The following APOD variants were observed in gnomAD, a reference collection of about 807,000 sequenced individuals.
The protein encoded by APOD is apo-D.
In APOD, 22 loss-of-function variants were observed where a neutral mutation model predicts 20.4. That is an observed-to-expected ratio of 1.08 (90% confidence interval 0.77 to 1.54). The LOEUF (loss-of-function observed/expected upper bound fraction) is 1.54. APOD is among the 40% of genes most tolerant of loss of function. The probability of loss-of-function intolerance (pLI) is 0.00; values close to 1 mark genes in which losing one functional copy is unlikely to be tolerated. For synonymous variants in APOD, 97 were observed against 92.4 expected (o/e 1.05, Z -0.29); for missense variants, 223 against 229.6 (o/e 0.97, Z 0.19).
chr3:195,578,605 A>C (rs914887017), intron 2 of APOD, among the ~76,000 whole-genome samples: 9 of 152,030 alleles, frequency 5.9e-5, no homozygotes, highest in African/African-American at 2.2e-4. Context: ...AGGAAGAAAG[A>C]CCATCTATGG....
In APOD at chr3:195,571,377, T is replaced by TA. The variant is rs532739525; in HGVS notation, c.246-13dup. The TA allele has an allele frequency of 1.2e-4, 196 of 1,576,580 alleles. 4 individuals are homozygous for TA. The South Asian group carries it at 2.1e-3, about 17-fold the overall frequency. ...CAGTTCCATCAGCTCTGCAGTGAGT[T>TA]AAAAAAAGAAAAAATACAAAAAACG... On this transcript the variant is annotated splice_polypyrimidine_tract_variant and intron_variant, in intron 3 of 4. Transcript: ENST00000343267.
chr3:195,579,224 T>C (rs1227237802), intron 2 of APOD, 115 bp downstream of exon 2: 1 of 1,491,814 alleles, frequency 6.7e-7, no homozygotes, highest in Non-Finnish European at 9.1e-7. Context: ...CCAAATAAGA[T>C]AAATACTTGT....
intron 1 of APOD, 61 bp from the exon 2 acceptor site, chr3:195,579,556 GAAGT>G (rs1720301103): frequency 2.6e-6 from 4 of 1,542,588 alleles, no homozygotes; most frequent in Non-Finnish European, 3.5e-6. Context: ...ACACAATCAT[GAAGT>G]AAGAGTGCTG....
In APOD at chr3:195,571,385, GAA is replaced by G; in HGVS notation, c.246-22_246-21del. 6.5e-7 allele frequency: 1 copy of G among 1,547,904 alleles called. No homozygotes were observed. Among genetic ancestry groups the G allele is most frequent in the Non-Finnish European group, 8.7e-7 (1 of 1,145,598 alleles). ...TCAGCTCTGCAGTGAGTTAAAAAAA[GAA>G]AAAATACAAAAAACGAAAAGAGAAA... On this transcript the variant is annotated intron_variant, in intron 3 of 4. Coordinates refer to ENST00000343267, the MANE Select transcript of APOD (RefSeq NM_001647.4).
intron 2 of APOD, among the ~76,000 whole-genome samples, chr3:195,578,341 T>G (rs1306866702): frequency 5.3e-5 from 8 of 152,184 alleles, no homozygotes; most frequent in Admixed American, 5.2e-4. Context: ...CCTGATCCCA[T>G]GGATGGTGCT....
intron 2 of APOD, among the ~76,000 whole-genome samples, chr3:195,576,055 T>A (rs1560045959): frequency 6.6e-6 from 1 of 152,244 alleles, no homozygotes; most frequent in Non-Finnish European, 1.5e-5. Flanking sequence ...GCCACATTCA[T>A]GACCATAAAG....
intron 1 of APOD, among the ~76,000 whole-genome samples, chr3:195,580,787 C>A (rs1400485554): frequency 1.3e-5 from 2 of 152,226 alleles, no homozygotes; most frequent in African/African-American, 4.8e-5. Context: ...ACAAGCATTT[C>A]AACCCCAAGA....
intron 2 of APOD, among the ~76,000 whole-genome samples, chr3:195,578,435 C>G (rs1264750564): frequency 6.6e-6 from 1 of 152,162 alleles, no homozygotes; most frequent in Admixed American, 6.6e-5. Flanking sequence ...TTCGATGTTA[C>G]TGTTGCCATT....
chr3:195,577,451 T>C (rs1348850372), intron 2 of APOD, among the ~76,000 whole-genome samples: 2 of 152,210 alleles, frequency 1.3e-5, no homozygotes, highest in African/African-American at 4.8e-5. Flanking sequence ...CAAATTCCAA[T>C]TGGATTATTT....
At chr3:195,572,806 A>T (rs113082804) in intron 3 of APOD, among the ~76,000 whole-genome samples, 7,406 of 152,020 alleles carry the variant, frequency 0.049, 624 homozygotes, top group African/African-American at 0.17. Flanking sequence ...AGGTCAGGAG[A>T]TCAAGACCAG....
At chr3:195,577,357 A>G (rs1002544912) in intron 2 of APOD, among the ~76,000 whole-genome samples, 9 of 152,330 alleles carry the variant, frequency 5.9e-5, no homozygotes, top group Admixed American at 3.9e-4. Context: ...GGAAAGATAC[A>G]CTATGTTGAC....
In APOD at chr3:195,568,829, T is replaced by A. The variant is rs1457377346; in HGVS notation, c.*71A>T. The A allele has an allele frequency of 6.9e-6, 6 of 863,874 alleles. No individual in the cohort carries two copies. In the African/African-American group the frequency reaches 2.3e-4, roughly 34 times the overall value. The allele number at this position is 863,874 out of a possible 1,614,324, so 53.5% of individuals were successfully genotyped here. A position where few individuals can be genotyped will look rare whatever the true frequency, so the allele number is the denominator to read the frequency against. On this transcript the variant is annotated 3_prime_UTR_variant, in exon 5 of 5. Coordinates refer to ENST00000343267, the MANE Select transcript of APOD (RefSeq NM_001647.4). ...TTGTCGTGGTTGATTGGTTTGTCTTTATGGGGGGGGGGTAGGGGAAAGCGA... is the reference window on the plus strand; with the variant it reads ...TTGTCGTGGTTGATTGGTTTGTCTTAATGGGGGGGGGGTAGGGGAAAGCGA...
intron 1 of APOD, among the ~76,000 whole-genome samples, chr3:195,581,189 G>T (rs577818336): frequency 8.1e-4 from 124 of 152,244 alleles, no homozygotes; most frequent in African/African-American, 2.8e-3. Flanking sequence ...TATGTAAGGA[G>T]TGGCAGCTTG....
intron 2 of APOD, 146 bp from the exon 3 acceptor site, chr3:195,574,117 T>C: frequency 1.8e-6 from 2 of 1,109,760 alleles, no homozygotes; most frequent in Non-Finnish European, 1.3e-6. Context: ...GGGCAAGAGA[T>C]TGATTGCAAT....
rs752071105 is a variant in APOD, at chr3:195,569,120, G to A, written c.350C>T (p.Pro117Leu). The change falls in exon 5 of 5, where the codon CCG becomes CTG. Residue 117 changes from proline to leucine, a missense_variant. Transcript: ENST00000343267. ...VKFSWFMPSA[P>L]YWILATDYEN... ...ATAGTCGGTGGCCAGGATCCAGTACGGTGCCGATGGCATAACTGAGAACCA... is the reference window on the plus strand; with the variant it reads ...ATAGTCGGTGGCCAGGATCCAGTACAGTGCCGATGGCATAACTGAGAACCA... 3.5e-5 allele frequency: 56 copies of A among 1,613,936 alleles called. No individual in the cohort carries two copies. The highest frequency in any genetic ancestry group is 4.2e-5 in the Non-Finnish European group (49 of 1,179,928).
rs762350501 is a variant in APOD, at chr3:195,571,341, G to T, written c.270C>A (p.Ile90=). ...GGTTAACTGGGGTGGCTTCACCTTC[G>T]ATTTGATTCACAGTTCCATCAGCTC... ...ELRADGTVNQ[I]EGEATPVNLT... is the part of the protein sequence containing the mutation. The change falls in exon 4 of 5, where the codon ATC becomes ATA. Residue 90 remains isoleucine (I), a synonymous_variant. Coordinates refer to ENST00000343267, the MANE Select transcript of APOD (RefSeq NM_001647.4). 7 of 1,610,950 alleles carry T rather than the reference G, an allele frequency of 4.3e-6. No individual in the cohort carries two copies. The highest frequency in any genetic ancestry group is 5.9e-6 in the Non-Finnish European group (7 of 1,178,526).
rs777470678 is a variant in APOD, at chr3:195,581,553, G to A, written c.-34-2058C>T. 4.6e-5 allele frequency among the ~76,000 whole-genome samples: 7 copies of A among 152,166 alleles called. No individual in the cohort carries two copies. In the East Asian group the frequency reaches 5.8e-4, roughly 13 times the overall value. ...ATCTTTCTAGCTCTACTTCCAAGGT[G>A]TACAGATGGGGAAGCTGGGGCCTGG... On this transcript the variant is annotated intron_variant, in intron 1 of 4. Coordinates refer to ENST00000343267, the MANE Select transcript of APOD (RefSeq NM_001647.4).
chr3:195,571,921 A>G (rs954939099), intron 3 of APOD, among the ~76,000 whole-genome samples: 1 of 151,900 alleles, frequency 6.6e-6, no homozygotes, highest in African/African-American at 2.4e-5. Context: ...CTGAGATTAC[A>G]GGCATGCACC....
chr3:195,572,672 A>AGAG (rs1283592931), intron 3 of APOD, among the ~76,000 whole-genome samples: 4 of 152,194 alleles, frequency 2.6e-5, no homozygotes, highest in Non-Finnish European at 5.9e-5. Context: ...TCCTCAAGGC[A>AGAG]GAGCAGGGAG....
Sources: gnomAD v4.1 joint callset for allele counts (sites outside exome capture counted in the v4.1 genomes callset) on GRCh38, gnomAD v4.1.1 for gene constraint, MANE v1.5 for transcripts, NCBI Gene and HGNC (gene_info 2026-07-23, HGNC 2026-07-21) for gene names.